Variants in KCNQ1 observed in about 807,000 individuals in gnomAD.
KCNQ1 encodes the protein potassium voltage-gated channel subfamily Q member 1.
KCNQ1 carries 49 observed loss-of-function variants against 72.4 expected under a neutral mutation model. That is an observed-to-expected ratio of 0.68 (90% CI 0.54 to 0.86). The LOEUF (loss-of-function observed/expected upper bound fraction) is 0.86, where lower values mean the gene tolerates loss of function less well. Among genes scored for constraint, KCNQ1 ranks in the 40% least tolerant of loss-of-function variants. The pLI is 0.00. For missense variants in KCNQ1, 790 were observed against 945.1 expected, an observed-to-expected ratio of 0.84 and a Z score of 2.15; for synonymous variants, 450 against 412.6, an observed-to-expected ratio of 1.09 and a Z score of -1.10.
At chr11:2,667,219 T>C in intron 11 of KCNQ1, 1 of 398,570 alleles carries the variant, frequency 2.5e-6, no homozygotes, top group Non-Finnish European at 4.4e-6. Context: ...CCCTAACCTT[T>C]CCAAACTTCA....
chr11:2,753,460 G>C (rs770431931), intron 11 of KCNQ1, among the ~76,000 whole-genome samples: 1 of 152,192 alleles, frequency 6.6e-6, no homozygotes, highest in Non-Finnish European at 1.5e-5. Flanking sequence ...AGCCAGGAAA[G>C]CTGGGGATGT....
chr11:2,833,375 C>T (rs1393970333), intron 15 of KCNQ1, among the ~76,000 whole-genome samples: 1 of 152,188 alleles, frequency 6.6e-6, no homozygotes, highest in African/African-American at 2.4e-5. Context: ...CCTCTCCAAG[C>T]TTCTCCCCTC....
intron 11 of KCNQ1, chr11:2,675,644 G>A: frequency 2.5e-6 from 1 of 398,610 alleles, no homozygotes; most frequent in Non-Finnish European, 4.4e-6. Flanking sequence ...GGGTGGTTGG[G>A]CTCTCTAGGA....
In KCNQ1 at chr11:2,562,953, A is replaced by G. The variant is rs1243021382; in HGVS notation, c.478-7675A>G. Among the ~76,000 whole-genome samples, 1 of 152,218 alleles carries G rather than the reference A, an allele frequency of 6.6e-6. No homozygotes were observed. Among genetic ancestry groups the G allele is most frequent in the Non-Finnish European group, 1.5e-5 (1 of 68,040 alleles). ...AGACAAAAGAGATAATAGAAGAGTA[A>G]TATCAGAGACACTAAAGTCCTCGCG... On this transcript the variant is annotated intron_variant, in intron 2 of 15. Transcript: ENST00000155840. The surrounding 1 kb of genome is among the most constrained non-coding windows in gnomAD (Gnocchi z 7.5).
At chr11:2,765,922 A>G (rs975894265) in intron 11 of KCNQ1, among the ~76,000 whole-genome samples, 2 of 152,136 alleles carry the variant, frequency 1.3e-5, no homozygotes, top group Admixed American at 6.6e-5. Context: ...AATGTATGCA[A>G]TCTACCATCT....
intron 1 of KCNQ1, among the ~76,000 whole-genome samples, chr11:2,510,792 C>A (rs936345722): frequency 6.6e-6 from 1 of 152,190 alleles, no homozygotes; most frequent in Non-Finnish European, 1.5e-5. Context: ...AAGGCTGGCA[C>A]GCTCAGATGC....
intron 10 of KCNQ1, chr11:2,629,280 A>G (rs1477755813): frequency 2.5e-6 from 1 of 398,248 alleles, no homozygotes; most frequent in Non-Finnish European, 4.4e-6. Context: ...AATGTTTCAT[A>G]GTTTTCAGTG....
chr11:2,696,803 G>C (rs1850684022), intron 11 of KCNQ1: 1 of 398,494 alleles, frequency 2.5e-6, no homozygotes, highest in Non-Finnish European at 4.4e-6. Context: ...TATAAATTTT[G>C]CTGCTATTCT....
At position 2,682,141 on chromosome 11, in the gene KCNQ1, T is replaced by C. The variant is rs1007434485; in HGVS notation, c.1514+20060T>C. ...GCAGGAGATGTCCCAGCTCATCAAA[T>C]ATTCTTTCAGTATTAAACATATCAA... On this transcript the variant is annotated intron_variant, in intron 11 of 15. Coordinates refer to ENST00000155840, the MANE Select transcript of KCNQ1 (RefSeq NM_000218.3). The surrounding 1 kb of genome is among the most constrained non-coding windows in gnomAD (Gnocchi z 5.8). The C allele has an allele frequency of 7.5e-6, 3 of 398,508 alleles. No homozygotes were observed. Among genetic ancestry groups the C allele is most frequent in the Non-Finnish European group, 1.3e-5 (3 of 226,094 alleles). 24.7% of individuals were successfully genotyped at this position (398,508 alleles called of 1,614,324 possible).
chr11:2,775,573 T>G (rs1564888906), intron 12 of KCNQ1, among the ~76,000 whole-genome samples: 1 of 152,218 alleles, frequency 6.6e-6, no homozygotes, highest in Non-Finnish European at 1.5e-5. Context: ...GAGCTGTGCC[T>G]CCTGGTCAGT....
At chr11:2,701,446 C>T (rs1850813448) in intron 11 of KCNQ1, among the ~76,000 whole-genome samples, 1 of 152,198 alleles carries the variant, frequency 6.6e-6, no homozygotes, top group South Asian at 2.1e-4. Flanking sequence ...AGTCCACCCT[C>T]ACTATCTAGC....
chr11:2,811,648 T>C (rs1847487695), intron 15 of KCNQ1, among the ~76,000 whole-genome samples: 1 of 152,162 alleles, frequency 6.6e-6, no homozygotes, highest in African/African-American at 2.4e-5. Context: ...GGGCTGCACA[T>C]TCAGGATGGG....
At chr11:2,553,497 A>T (rs1051513519) in intron 2 of KCNQ1, among the ~76,000 whole-genome samples, 4 of 152,078 alleles carry the variant, frequency 2.6e-5, no homozygotes, top group Admixed American at 6.5e-5. Context: ...ATTTTTTGAC[A>T]AGTGCTCCTT....
rs1419333683 is a variant in KCNQ1 at position 2,735,381 on chromosome 11, T to TC, written c.1515-33460dup. 1.4e-5 allele frequency among the ~76,000 whole-genome samples: 2 copies of TC among 139,902 alleles called. No individual in the cohort carries two copies. Among genetic ancestry groups the TC allele is most frequent in the Admixed American group, 7.1e-5 (1 of 14,050 alleles). 91.8% of individuals were successfully genotyped at this position (139,902 alleles called of 152,430 possible). A position where few individuals can be genotyped will look rare whatever the true frequency, so the allele number is the denominator to read the frequency against. On this transcript the variant is annotated intron_variant, in intron 11 of 15. Coordinates refer to ENST00000155840, the MANE Select transcript of KCNQ1 (RefSeq NM_000218.3). The surrounding 1 kb of genome is among the most constrained non-coding windows in gnomAD (Gnocchi z 7.7). Reference sequence around the variant, plus strand: ...GGGCCATGGCCGCCCCCACCTCCCCTCCCGCAAGCTTCTCCCCTTCCTTCA... The same window carrying TC: ...GGGCCATGGCCGCCCCCACCTCCCCTCCCCGCAAGCTTCTCCCCTTCCTTCA...
intron 11 of KCNQ1, chr11:2,666,107 G>A (rs1056277066): frequency 2.5e-6 from 1 of 398,570 alleles, no homozygotes; most frequent in African/African-American, 2.1e-5. Flanking sequence ...CAGTCATGTG[G>A]TTTCTCTGAA....
At position 2,574,816 on chromosome 11, in the gene KCNQ1, G is replaced by T. The variant is rs535428112; in HGVS notation, c.921+1830G>T. Among the ~76,000 whole-genome samples the T allele has an allele frequency of 4.5e-4, 68 of 152,338 alleles. 1 individual carries two copies. Among genetic ancestry groups the T allele is most frequent in the African/African-American group, 1.5e-3 (64 of 41,578 alleles). On this transcript the variant is annotated intron_variant, in intron 6 of 15. Coordinates refer to ENST00000155840, the MANE Select transcript of KCNQ1 (RefSeq NM_000218.3). ...GGCATGCTGACACAGCTCCTGGGTT[G>T]GGGCAGGCCCCACTTTCGGCCTCTT...
intron 1 of KCNQ1, among the ~76,000 whole-genome samples, chr11:2,520,169 C>A (rs552161070): frequency 3.9e-5 from 6 of 152,338 alleles, no homozygotes; most frequent in Admixed American, 2.0e-4. Flanking sequence ...GTGTCTGAGC[C>A]TCAGTGTCCC....
intron 11 of KCNQ1, chr11:2,688,931 C>T (rs371249618): frequency 1.0e-5 from 4 of 398,752 alleles, no homozygotes; most frequent in African/African-American, 2.1e-5. Context: ...GCCTGTCTCA[C>T]AGGCTGTCAC....
intron 6 of KCNQ1, among the ~76,000 whole-genome samples, chr11:2,577,526 C>T (rs537405186): frequency 2.0e-5 from 3 of 152,340 alleles, no homozygotes; most frequent in East Asian, 1.9e-4. Context: ...TGTGGGGCTC[C>T]GGGCTTCGTG....
Sources: gnomAD v4.1 joint callset for allele counts (sites outside exome capture counted in the v4.1 genomes callset) on GRCh38, gnomAD v4.1.1 for gene constraint, Gnocchi (gnomAD v3.1) non-coding constraint, MANE v1.5 for transcripts, NCBI Gene and HGNC (gene_info 2026-07-23, HGNC 2026-07-21) for gene names.